Variants in ASNS observed in about 807,000 individuals in gnomAD.
ASNS encodes the protein asparagine synthetase [glutamine-hydrolyzing].
ASNS carries 37 observed loss-of-function variants against 62.6 expected under a neutral mutation model. The ratio of observed to expected loss-of-function variants is 0.59; its 90% CI spans 0.45 to 0.78. ASNS has a LOEUF of 0.78. Among genes scored for constraint, ASNS ranks in the 30% least tolerant of loss-of-function variants. The pLI is 0.00. For missense variants in ASNS, 520 were observed against 682.4 expected (o/e 0.76, Z 2.65); for synonymous variants, 207 against 237.9 (o/e 0.87, Z 1.19).
At chr7:97,926,519 T>G in the ASNS span, among the ~76,000 whole-genome samples, 5,736 of 150,720 alleles carry the variant, frequency 0.038, 211 homozygotes, top group African/African-American at 0.097. Context: ...GCCTGACACT[T>G]CTTCATGGGT....
At chr7:97,912,591 T>TTTTTTTTTTTC in the ASNS span, among the ~76,000 whole-genome samples, 11 of 79,382 alleles carry the variant, frequency 1.4e-4, 1 homozygote, top group African/African-American at 3.1e-4. Flanking sequence ...TTTTTTTTTT[T>TTTTTTTTTTTC]TTCTGTTTTC....
At chr7:97,881,062 T>A in the ASNS span, among the ~76,000 whole-genome samples, 1 of 152,190 alleles carries the variant, frequency 6.6e-6, no homozygotes, top group Non-Finnish European at 1.5e-5. Context: ...TACCTCAGCC[T>A]CCCAAGTAGC....
intron 9 of ASNS, 81 bp downstream of exon 9, chr7:97,855,272 C>T (rs1423755043): frequency 2.0e-6 from 2 of 1,022,556 alleles, no homozygotes; most frequent in African/African-American, 3.1e-5. Flanking sequence ...CACTGTCATA[C>T]TGAAAGATGA....
upstream of ASNS, among the ~76,000 whole-genome samples, chr7:97,874,601 G>A (rs10234781): frequency 0.29 from 42,884 of 148,936 alleles, 4,608 homozygotes; most frequent in East Asian, 0.41. Context: ...ACTAATAAAT[G>A]TCCATAAAAT....
At position 97,868,970 on chromosome 7, in the gene ASNS, G is replaced by A. The variant is rs373645939; in HGVS notation, c.187C>T (p.Arg63Ter). The A allele has an allele frequency of 9.9e-6, 16 of 1,614,040 alleles. No homozygotes were observed. The highest frequency in any genetic ancestry group is 1.3e-5 in the African/African-American group (1 of 74,924). ...CACAAATACGGATATTTCTTCACTC[G>A]AATTGGCTGCATTCCAAACAGCGGG... is the stretch of plus-strand genomic sequence containing the variant. ...VDPLFGMQPIRVKKYPYLWLC... is the reference protein window; with the variant it reads ...VDPLFGMQPI The change falls in exon 3 of 13, where the codon CGA (arginine) becomes TGA (stop). Residue 63 changes from arginine to a stop codon, truncating the protein, a stop_gained. Transcript: ENST00000394308. LOFTEE classifies it high-confidence loss of function.
the ASNS span, among the ~76,000 whole-genome samples, chr7:97,891,367 C>T: frequency 6.6e-6 from 1 of 152,284 alleles, no homozygotes; most frequent in East Asian, 1.9e-4. Context: ...GGGGACACAA[C>T]CAAACTGTAT....
chr7:97,870,930 T>C (rs1369880872), intron 1 of ASNS, among the ~76,000 whole-genome samples: 1 of 152,186 alleles, frequency 6.6e-6, no homozygotes, highest in Non-Finnish European at 1.5e-5. Context: ...CAATTAAAAC[T>C]ATAACCTATT....
At chr7:97,856,414 A>G (rs914441400) in intron 8 of ASNS, among the ~76,000 whole-genome samples, 1 of 152,196 alleles carries the variant, frequency 6.6e-6, no homozygotes, top group Admixed American at 6.5e-5. Context: ...GAGAAATGGG[A>G]GGTAGAGGGC....
the ASNS span, among the ~76,000 whole-genome samples, chr7:97,892,514 T>C: frequency 2.0e-5 from 3 of 152,160 alleles, no homozygotes; most frequent in Non-Finnish European, 2.9e-5. Flanking sequence ...TTTCATGCTC[T>C]GCTTCCCTTA....
chr7:97,853,917 T>C (rs534058148), intron 10 of ASNS, among the ~76,000 whole-genome samples: 128 of 152,352 alleles, frequency 8.4e-4, no homozygotes, highest in Non-Finnish European at 1.5e-3. Flanking sequence ...GCAGAGAGGA[T>C]AATGACCAGA....
chr7:97,882,268 G>A, the ASNS span, among the ~76,000 whole-genome samples: 6 of 152,270 alleles, frequency 3.9e-5, no homozygotes, highest in South Asian at 1.2e-3. Context: ...ACAACTCCAG[G>A]CCAGGCGCAG....
the ASNS span, among the ~76,000 whole-genome samples, chr7:97,921,594 G>A: frequency 6.6e-6 from 1 of 152,300 alleles, no homozygotes; most frequent in African/African-American, 2.4e-5. Flanking sequence ...GAGGAATGGA[G>A]AAGGCAAGCA....
chr7:97,928,098 C>T, the ASNS span: 4 of 1,528,466 alleles, frequency 2.6e-6, no homozygotes, highest in Non-Finnish European at 3.5e-6. Context: ...GCCGTCGCCA[C>T]CTGTCTGGGT....
At chr7:97,858,160 A>T in intron 7 of ASNS, 118 bp downstream of exon 7, 1 of 1,331,096 alleles carries the variant, frequency 7.5e-7, no homozygotes, top group Non-Finnish European at 1.0e-6. Context: ...CAATCAATTT[A>T]AAACAATTGA....
At chr7:97,862,598 C>T (rs1034810359) in intron 4 of ASNS, among the ~76,000 whole-genome samples, 1 of 151,956 alleles carries the variant, frequency 6.6e-6, no homozygotes, top group Non-Finnish European at 1.5e-5. Flanking sequence ...AGAGTGAACC[C>T]TTATGTAAAC....
chr7:97,922,162 C>G, the ASNS span, among the ~76,000 whole-genome samples: 5 of 152,028 alleles, frequency 3.3e-5, no homozygotes, highest in Non-Finnish European at 7.4e-5. Flanking sequence ...TCCAGGAGTT[C>G]GAGACCAGCC....
the ASNS span, among the ~76,000 whole-genome samples, chr7:97,927,071 CTTTTTTTTTTTT>C: frequency 1.8e-3 from 74 of 40,528 alleles, 1 homozygote; most frequent in South Asian, 4.2e-3. Flanking sequence ...CCACACCTGG[CTTTTTTTTTTTT>C]TTTTTTTTTT....
At chr7:97,898,154 G>C in the ASNS span, among the ~76,000 whole-genome samples, 1 of 152,012 alleles carries the variant, frequency 6.6e-6, no homozygotes, top group Admixed American at 6.6e-5. Context: ...GAGTGCAATG[G>C]TGCAATCTTG....
chr7:97,895,303 C>A, the ASNS span, among the ~76,000 whole-genome samples: 1 of 152,214 alleles, frequency 6.6e-6, no homozygotes, highest in Non-Finnish European at 1.5e-5. Flanking sequence ...CCTCTAAGAA[C>A]TGGAACAAGA....
Sources: gnomAD v4.1 joint callset for allele counts (sites outside exome capture counted in the v4.1 genomes callset) on GRCh38, gnomAD v4.1.1 for gene constraint, MANE v1.5 for transcripts, NCBI Gene and HGNC (gene_info 2026-07-23, HGNC 2026-07-21) for gene names.